The following RBMS1 variants were observed in gnomAD, a reference collection of about 807,000 sequenced individuals.
The protein encoded by RBMS1 is RNA binding motif single stranded interacting protein 1.
RBMS1 carries 17 observed loss-of-function variants against 62.3 expected under a neutral mutation model. That is an observed-to-expected ratio of 0.27 (90% confidence interval 0.19 to 0.41). RBMS1 has a LOEUF of 0.41. Ranked by LOEUF, RBMS1 falls within the 10% of genes least tolerant of loss-of-function variation. The pLI is 1.00. For synonymous variants in RBMS1, 172 were observed against 170.0 expected (o/e 1.01, Z -0.09); for missense variants, 334 against 504.5 (o/e 0.66, Z 3.24).
chr2:160,442,235 A>G (rs1357817860), intron 1 of RBMS1, among the ~76,000 whole-genome samples: 1 of 152,246 alleles, frequency 6.6e-6, no homozygotes, highest in Non-Finnish European at 1.5e-5. Flanking sequence ...CTCTGAGATC[A>G]CAATGACACT....
intron 1 of RBMS1, among the ~76,000 whole-genome samples, chr2:160,373,205 T>C (rs1693824541): frequency 6.6e-6 from 1 of 152,086 alleles, no homozygotes; most frequent in Middle Eastern, 3.4e-3. Context: ...AACCTAAAAA[T>C]AAAAATTCCC....
At chr2:160,337,191 T>C (rs1177734738) in intron 2 of RBMS1, among the ~76,000 whole-genome samples, 1 of 149,588 alleles carries the variant, frequency 6.7e-6, no homozygotes. Flanking sequence ...TGGAGTGCAA[T>C]GGCATGATCT....
intron 4 of RBMS1, among the ~76,000 whole-genome samples, chr2:160,307,210 G>A (rs1689581133): frequency 6.6e-6 from 1 of 152,132 alleles, no homozygotes; most frequent in African/African-American, 2.4e-5. Flanking sequence ...TTGGCAGTAA[G>A]AGCAGACATC....
At chr2:160,275,565 TA>T in intron 13 of RBMS1, 64 bp downstream of exon 13, 1 of 1,552,228 alleles carries the variant, frequency 6.4e-7, no homozygotes, top group Admixed American at 1.9e-5. Flanking sequence ...ATTCTGATTT[TA>T]AAAAAAGCCC....
In RBMS1 at chr2:160,284,766, G is replaced by C; in HGVS notation, c.900+9C>G. The C allele has an allele frequency of 6.4e-7, 1 of 1,562,882 alleles. No homozygotes were observed. Among genetic ancestry groups the C allele is most frequent in the Non-Finnish European group, 8.8e-7 (1 of 1,133,436 alleles). ...GGTTATACTGCTGACGAATCCTAAAGGTACAAACCTGGTAGGCAGATACAG... is the reference window on the plus strand; with the variant it reads ...GGTTATACTGCTGACGAATCCTAAACGTACAAACCTGGTAGGCAGATACAG... On this transcript the variant is annotated intron_variant, in intron 9 of 13. Transcript: ENST00000348849.
intron 1 of RBMS1, among the ~76,000 whole-genome samples, chr2:160,481,239 G>A (rs1001831539): frequency 6.6e-6 from 1 of 151,700 alleles, no homozygotes; most frequent in East Asian, 1.9e-4. Context: ...GGGGGTGGGC[G>A]AGGTGGAACA....
chr2:160,474,806 A>G (rs1053117298), intron 1 of RBMS1, among the ~76,000 whole-genome samples: 1 of 152,224 alleles, frequency 6.6e-6, no homozygotes, highest in Non-Finnish European at 1.5e-5. Flanking sequence ...AAGGTAGGCA[A>G]AAAGTAGGCT....
At chr2:160,386,518 G>A (rs989267897) in intron 1 of RBMS1, among the ~76,000 whole-genome samples, 8 of 148,006 alleles carry the variant, frequency 5.4e-5, no homozygotes, top group Admixed American at 1.4e-4. Context: ...TCCAGCCTGG[G>A]AGACAGAGTG....
chr2:160,388,550 C>T (rs1447389138), intron 1 of RBMS1, among the ~76,000 whole-genome samples: 2 of 152,128 alleles, frequency 1.3e-5, no homozygotes, highest in African/African-American at 2.4e-5. Context: ...GCTCTGGGTC[C>T]GTGTCACTCC....
At chr2:160,352,307 C>T (rs1194730432) in intron 2 of RBMS1, among the ~76,000 whole-genome samples, 1 of 152,056 alleles carries the variant, frequency 6.6e-6, no homozygotes, top group East Asian at 1.9e-4. Context: ...GGGCAAATAG[C>T]TATGTGGTTA....
At chr2:160,439,624 G>A (rs1412690096) in intron 1 of RBMS1, among the ~76,000 whole-genome samples, 19 of 151,182 alleles carry the variant, frequency 1.3e-4, no homozygotes, top group South Asian at 2.1e-4. Flanking sequence ...GCGGCCAGGC[G>A]GAGACGCTCC....
intron 1 of RBMS1, among the ~76,000 whole-genome samples, chr2:160,476,860 A>G (rs926381120): frequency 6.6e-6 from 1 of 152,194 alleles, no homozygotes; most frequent in African/African-American, 2.4e-5. Flanking sequence ...GGCCCAAAAC[A>G]CACTTCTTGT....
intron 5 of RBMS1, among the ~76,000 whole-genome samples, chr2:160,302,195 C>T (rs1689242964): frequency 6.6e-6 from 1 of 150,508 alleles, no homozygotes; most frequent in African/African-American, 2.4e-5. Context: ...TATAACTAGA[C>T]TTTTAGACTT....
chr2:160,483,030 A>C (rs1685431649), intron 1 of RBMS1, among the ~76,000 whole-genome samples: 1 of 151,752 alleles, frequency 6.6e-6, no homozygotes, highest in Non-Finnish European at 1.5e-5. Context: ...ACCAGATATC[A>C]CCCACTGTCA....
chr2:160,457,877 A>C (rs1483223303), intron 1 of RBMS1, among the ~76,000 whole-genome samples: 1 of 152,148 alleles, frequency 6.6e-6, no homozygotes, highest in African/African-American at 2.4e-5. Flanking sequence ...TTATTGCGTG[A>C]GGGCAAAACA....
chr2:160,406,184 T>G (rs1367852153), intron 1 of RBMS1, among the ~76,000 whole-genome samples: 3 of 152,200 alleles, frequency 2.0e-5, no homozygotes, highest in Non-Finnish European at 4.4e-5. Flanking sequence ...GACCACGGTG[T>G]GTGTTTACTG....
At chr2:160,392,016 C>T (rs1178861557) in intron 1 of RBMS1, among the ~76,000 whole-genome samples, 4 of 152,010 alleles carry the variant, frequency 2.6e-5, no homozygotes, top group Admixed American at 6.5e-5. Context: ...AACGATTACA[C>T]AGATATGTGA....
chr2:160,439,241 G>C (rs1191529050), intron 1 of RBMS1, among the ~76,000 whole-genome samples: 2 of 151,638 alleles, frequency 1.3e-5, no homozygotes, highest in Non-Finnish European at 2.9e-5. Context: ...GGACGGAGAC[G>C]CTCCTCACTT....
chr2:160,367,558 C>T (rs1693478026), intron 1 of RBMS1, 167 bp from the exon 2 acceptor site: 4 of 1,245,234 alleles, frequency 3.2e-6, no homozygotes, highest in East Asian at 5.3e-5. Flanking sequence ...AAAAAGCCCT[C>T]TCCTTCAACA....
Sources: allele counts gnomAD v4.1 joint callset (sites outside exome capture counted in the v4.1 genomes callset), GRCh38; gene constraint gnomAD v4.1.1; transcripts MANE v1.5; gene names NCBI Gene and HGNC (gene_info 2026-07-23, HGNC 2026-07-21).